Variants in BAIAP2 observed in about 807,000 individuals in gnomAD.
BAIAP2 encodes the protein BAR/IMD domain-containing adapter protein 2.
A neutral mutation model predicts 63.0 loss-of-function variants in BAIAP2; 18 were observed. The ratio of observed to expected loss-of-function variants is 0.29; its 90% CI spans 0.20 to 0.42. BAIAP2 has a LOEUF of 0.42. BAIAP2 is among the 10% of genes least tolerant of loss of function. The probability of loss-of-function intolerance (pLI) is 1.00; values close to 1 mark genes in which losing one functional copy is unlikely to be tolerated. For missense variants in BAIAP2, 610 were observed against 734.3 expected, an observed-to-expected ratio of 0.83 and a Z score of 1.96; for synonymous variants, 386 against 307.6, an observed-to-expected ratio of 1.25 and a Z score of -2.67.
intron 1 of BAIAP2, chr17:81,053,346 GGC>G: frequency 3.3e-6 from 1 of 298,544 alleles, no homozygotes; most frequent in Admixed American, 4.9e-5. Context: ...CCTCGGCAGC[GGC>G]GCGTCTGAGC....
intron 2 of BAIAP2, among the ~76,000 whole-genome samples, chr17:81,055,862 G>A (rs749200275): frequency 6.6e-6 from 1 of 152,140 alleles, no homozygotes; most frequent in East Asian, 1.9e-4. Context: ...CACCGCGCCC[G>A]GCCGTCTGCA....
chr17:81,079,491 T>C (rs2054233752), intron 3 of BAIAP2, among the ~76,000 whole-genome samples: 1 of 151,976 alleles, frequency 6.6e-6, no homozygotes, highest in African/African-American at 2.4e-5. Context: ...GTGACACCCA[T>C]GTGTGCCCCC....
At chr17:81,073,912 G>A (rs182753434) in intron 3 of BAIAP2, among the ~76,000 whole-genome samples, 1 of 152,310 alleles carries the variant, frequency 6.6e-6, no homozygotes, top group East Asian at 1.9e-4. Flanking sequence ...GGTTAAGCCC[G>A]TGTATCACTT....
intron 1 of BAIAP2, among the ~76,000 whole-genome samples, chr17:81,050,906 G>A (rs2048577933): frequency 6.6e-6 from 1 of 151,756 alleles, no homozygotes; most frequent in Non-Finnish European, 1.5e-5. Flanking sequence ...GCATCCGGCA[G>A]CATTTCCCGA....
At chr17:81,103,784 G>C in intron 8 of BAIAP2, 61 bp downstream of exon 8, 1 of 1,578,944 alleles carries the variant, frequency 6.3e-7, no homozygotes. Context: ...TTGTTGTCAG[G>C]GCGGGGGGCC....
chr17:81,104,012 C>T lies in BAIAP2; in HGVS notation c.970C>T (p.Leu324=). The change falls in exon 9 of 14, where the codon CTG becomes TTG. Residue 324 remains leucine (L), a synonymous_variant. Coordinates refer to ENST00000428708, the MANE Select transcript of BAIAP2 (RefSeq NM_001144888.2). ...ADRKAAQPKS[L]SPPQSQSKLS... is the part of the protein sequence containing the mutation. The stretch of plus-strand genomic sequence containing the variant: ...CCGCAAGGCTGCCCAGCCCAAATCC[C>T]TGTCTCCTCCGCAGTCTCAGAGCAA... 1.2e-6 allele frequency: 2 copies of T among 1,613,248 alleles called. No homozygotes were observed. The highest frequency in any genetic ancestry group is 1.7e-6 in the Non-Finnish European group (2 of 1,180,030).
intron 3 of BAIAP2, among the ~76,000 whole-genome samples, chr17:81,068,719 C>G (rs1053405703): frequency 2.6e-5 from 4 of 152,112 alleles, no homozygotes; most frequent in African/African-American, 9.7e-5. Flanking sequence ...CTCGGTGGCT[C>G]CTTGGTTGTG....
chr17:81,101,387 G>A (rs936015710), intron 7 of BAIAP2, among the ~76,000 whole-genome samples: 4 of 152,158 alleles, frequency 2.6e-5, no homozygotes, highest in East Asian at 1.9e-4. Context: ...ACTCCCCACC[G>A]GGAACAGGCA....
intron 1 of BAIAP2, chr17:81,036,726 G>C (rs550262126): frequency 5.5e-6 from 4 of 721,778 alleles, no homozygotes; most frequent in Non-Finnish European, 9.2e-6. Flanking sequence ...AGGCCCTGGG[G>C]TTGTTAGGTT....
At chr17:81,064,396 A>G (rs1432854343) in intron 3 of BAIAP2, among the ~76,000 whole-genome samples, 2 of 152,168 alleles carry the variant, frequency 1.3e-5, no homozygotes, top group African/African-American at 4.8e-5. Flanking sequence ...ACTGTGGATG[A>G]TGCTGCCCGC....
chr17:81,042,312 ATTTT>A (rs11411878), intron 1 of BAIAP2, among the ~76,000 whole-genome samples: 2 of 148,152 alleles, frequency 1.3e-5, no homozygotes, highest in Non-Finnish European at 3.0e-5. Context: ...TGCCTGGCTA[ATTTT>A]TTTTTTTATT....
chr17:81,081,395 G>A (rs1057389414), intron 3 of BAIAP2, among the ~76,000 whole-genome samples: 6 of 152,194 alleles, frequency 3.9e-5, no homozygotes, highest in African/African-American at 1.4e-4. Context: ...TTGGCTCGTA[G>A]GATGGTGTCC....
At chr17:81,085,003 C>T (rs2055322598) in intron 4 of BAIAP2, 110 bp downstream of exon 4, 1 of 1,139,890 alleles carries the variant, frequency 8.8e-7, no homozygotes, top group African/African-American at 1.5e-5. Context: ...TGTCCAGCCA[C>T]ACTCGGAGGC....
chr17:81,103,770 C>CA, intron 8 of BAIAP2, 47 bp downstream of exon 8: 1 of 1,495,214 alleles, frequency 6.7e-7, no homozygotes, highest in Non-Finnish European at 9.2e-7. Flanking sequence ...GGTGGGAGGG[C>CA]AGCTTGTTGT....
In BAIAP2 at chr17:81,062,459, C is replaced by A. The variant is rs966920097; in HGVS notation, c.217+4492C>A. ...TCGCTTCATTTTCAATGCGCCATCACGAATTTCTCCCCACAGCCTCAGCTG... is the reference window on the plus strand; with the variant it reads ...TCGCTTCATTTTCAATGCGCCATCAAGAATTTCTCCCCACAGCCTCAGCTG... On this transcript the variant is annotated intron_variant, in intron 3 of 13. Transcript: ENST00000428708. Among the ~76,000 whole-genome samples, 6 of 152,236 alleles carry A rather than the reference C, an allele frequency of 3.9e-5. No individual in the cohort carries two copies. In the East Asian group the frequency reaches 9.7e-4, roughly 24 times the overall value.
chr17:81,094,096 C>T (rs921601650), intron 6 of BAIAP2, among the ~76,000 whole-genome samples: 1 of 152,170 alleles, frequency 6.6e-6, no homozygotes, highest in Non-Finnish European at 1.5e-5. Flanking sequence ...CTCAGTGTCC[C>T]CGGGGCCAGG....
At chr17:81,067,211 G>C (rs1319459160) in intron 3 of BAIAP2, among the ~76,000 whole-genome samples, 2 of 152,246 alleles carry the variant, frequency 1.3e-5, no homozygotes, top group African/African-American at 4.8e-5. Flanking sequence ...CTCCGGCAGG[G>C]GTGCTCCAGA....
At chr17:81,103,042 G>T (rs1332645433) in intron 7 of BAIAP2, among the ~76,000 whole-genome samples, 1 of 152,234 alleles carries the variant, frequency 6.6e-6, no homozygotes, top group African/African-American at 2.4e-5. Flanking sequence ...AAGGGCAGTG[G>T]TTGGAGCAGT....
At chr17:81,104,987 C>CCCCCCAACGGCAGGGATCT (rs1450030487) in intron 10 of BAIAP2, 41 of 393,892 alleles carry the variant, frequency 1.0e-4, no homozygotes, top group Non-Finnish European at 1.6e-4. Context: ...GCAGGGATCT[C>CCCCCCAACGGCAGGGATCT]CCCCCAACGG....
Sources: gnomAD v4.1 joint callset for allele counts (sites outside exome capture counted in the v4.1 genomes callset) on GRCh38, gnomAD v4.1.1 for gene constraint, MANE v1.5 for transcripts, NCBI Gene and HGNC (gene_info 2026-07-23, HGNC 2026-07-21) for gene names.